The following KLHDC8A variants were observed in gnomAD, a reference collection of about 807,000 sequenced individuals.
KLHDC8A encodes the protein kelch domain containing 8A.
KLHDC8A carries 21 observed loss-of-function variants against 33.1 expected under a neutral mutation model. The ratio of observed to expected loss-of-function variants is 0.64; its 90% CI spans 0.45 to 0.91. KLHDC8A has a LOEUF of 0.91. Ranked by LOEUF, KLHDC8A falls within the 40% of genes least tolerant of loss-of-function variation. The pLI is 0.00. For synonymous variants in KLHDC8A, 173 were observed against 193.5 expected (o/e 0.89, Z 0.88); for missense variants, 435 against 483.3 (o/e 0.90, Z 0.94).
rs1662659642 is a variant in KLHDC8A, at chr1:205,337,337, C to T, written c.*62G>A. The T allele has an allele frequency of 7.3e-7, 1 of 1,371,928 alleles. No homozygotes were observed. The allele number at this position is 1,371,928 out of a possible 1,614,324, so 85.0% of individuals were successfully genotyped here. On this transcript the variant is annotated 3_prime_UTR_variant, in exon 6 of 6. Transcript: ENST00000367155. Reference sequence around the variant, plus strand: ...GTAGCCCCGACTGCTTGGACAAGATCATTCCTCATGTTAAGAGTGAAGTGA... The same window carrying T: ...GTAGCCCCGACTGCTTGGACAAGATTATTCCTCATGTTAAGAGTGAAGTGA...
intron 2 of KLHDC8A, among the ~76,000 whole-genome samples, chr1:205,342,118 C>T (rs1662809367): frequency 1.3e-5 from 2 of 152,244 alleles, no homozygotes. Flanking sequence ...CTATCTGTGT[C>T]ACCTTGGGCC....
rs1413349853 is a variant in KLHDC8A, at chr1:205,343,471, G to T, written c.134C>A (p.Pro45His). 6.2e-7 allele frequency: 1 copy of T among 1,613,548 alleles called. No homozygotes were observed. Among genetic ancestry groups the T allele is most frequent in the Admixed American group, 1.7e-5 (1 of 60,012 alleles). The stretch of plus-strand genomic sequence containing the variant: ...GGAGTAGACCTCGAAGCAGTCCATG[G>T]GGACGCCGTTGTCGTCACATCCCCC... ...AIGGCDDNGV[P>H]MDCFEVYSPE... The change falls in exon 2 of 6, where the codon CCC (proline) becomes CAC (histidine). Residue 45 changes from proline (P) to histidine (H), a missense_variant. Physicochemically the swap from Pro to His is moderately conservative, Grantham distance 77. Coordinates refer to ENST00000367155, the MANE Select transcript of KLHDC8A (RefSeq NM_018203.3).
At position 205,339,129 on chromosome 1, in the gene KLHDC8A, G is replaced by A; in HGVS notation, c.757+65C>T. The A allele has an allele frequency of 1.4e-6, 2 of 1,388,142 alleles. No homozygotes were observed. The highest frequency in any genetic ancestry group is 2.4e-5 in the South Asian group (2 of 83,732). The allele number at this position is 1,388,142 out of a possible 1,614,324, so 86.0% of individuals were successfully genotyped here. ...GGAAGATGGCTGGAATAGGGGTAAG[G>A]GATGGGGAGCCAGCCAGAAGGGCAG... On this transcript the variant is annotated intron_variant, in intron 4 of 5. Coordinates refer to ENST00000367155, the MANE Select transcript of KLHDC8A (RefSeq NM_018203.3). The surrounding 1 kb of genome is among the most constrained non-coding windows in gnomAD (Gnocchi z 5.1).
intron 1 of KLHDC8A, chr1:205,351,593 T>G: frequency 1.6e-5 from 6 of 371,176 alleles, no homozygotes; most frequent in Admixed American, 5.6e-5. Flanking sequence ...AATAAACTTC[T>G]GTAATAGTCA....
Position 205,339,876 on chromosome 1 carries a change from C to T in KLHDC8A, c.377-68G>A. 2 of 1,477,202 alleles carry T rather than the reference C, an allele frequency of 1.4e-6. No homozygotes were observed. The highest frequency in any genetic ancestry group is 9.3e-7 in the Non-Finnish European group (1 of 1,080,734). The allele number at this position is 1,477,202 out of a possible 1,614,324, so 91.5% of individuals were successfully genotyped here. ...TACAGCAAGACAGGCCCACCAGCAT[C>T]TATTGCCTCCCATGGCCAGGCCAAG... On this transcript the variant is annotated intron_variant, in intron 2 of 5. Coordinates refer to ENST00000367155, the MANE Select transcript of KLHDC8A (RefSeq NM_018203.3). The surrounding 1 kb of genome is among the most constrained non-coding windows in gnomAD (Gnocchi z 5.1).
In KLHDC8A at chr1:205,355,510, T is replaced by G. The variant is rs375307993; in HGVS notation, c.-190+1023A>C. 1.1e-4 allele frequency among the ~76,000 whole-genome samples: 17 copies of G among 152,292 alleles called. No individual in the cohort carries two copies. In the East Asian group the frequency reaches 2.3e-3, roughly 21 times the overall value. ...TATTCTAAACACCACACTACATTCT[T>G]TACATATTTTGTATAATTTGAACCT... On this transcript the variant is annotated intron_variant, in intron 1 of 5. Transcript: ENST00000367155.
rs1662850387 is a variant in KLHDC8A, at chr1:205,343,446, G to C, written c.159C>G (p.Ser53=). 2 of 1,613,570 alleles carry C rather than the reference G, an allele frequency of 1.2e-6. No individual in the cohort carries two copies. The highest frequency in any genetic ancestry group is 1.7e-6 in the Non-Finnish European group (2 of 1,179,876). Residue 53 remains serine (S), a synonymous_variant, in exon 2 of 6, where the codon TCC becomes TCG. Transcript: ENST00000367155. Reference sequence around the variant, plus strand: ...AGGCGGTCCACTGGTCGGCCTCCGGGGAGTAGACCTCGAAGCAGTCCATGG... The same window carrying C: ...AGGCGGTCCACTGGTCGGCCTCCGGCGAGTAGACCTCGAAGCAGTCCATGG... The part of the protein sequence containing the change: ...GVPMDCFEVY[S]PEADQWTALP...
intron 1 of KLHDC8A, among the ~76,000 whole-genome samples, chr1:205,349,507 G>A (rs1268543607): frequency 1.3e-5 from 2 of 152,162 alleles, no homozygotes; most frequent in Admixed American, 6.5e-5. Flanking sequence ...AGTCATCTTC[G>A]TTTTCAGACT....
intron 5 of KLHDC8A, 137 bp downstream of exon 5, chr1:205,338,358 G>T: frequency 1.5e-6 from 1 of 658,954 alleles, no homozygotes; most frequent in Non-Finnish European, 2.7e-6. Context: ...GAAAGGGAGT[G>T]CTTCGAATTT....
chr1:205,355,447 T>C (rs1007415557), intron 1 of KLHDC8A, among the ~76,000 whole-genome samples: 1 of 152,218 alleles, frequency 6.6e-6, no homozygotes, highest in African/African-American at 2.4e-5. Context: ...TAGAACTTCA[T>C]CTATAACTAT....
intron 1 of KLHDC8A, among the ~76,000 whole-genome samples, chr1:205,346,315 A>C (rs1662945469): frequency 6.6e-6 from 1 of 152,140 alleles, no homozygotes; most frequent in Non-Finnish European, 1.5e-5. Context: ...CTCAGCTTGA[A>C]CTGTCTTCAC....
chr1:205,343,127 A>G, intron 2 of KLHDC8A, 102 bp downstream of exon 2: 6 of 1,469,406 alleles, frequency 4.1e-6, no homozygotes, highest in Admixed American at 2.3e-5. Context: ...ATATGGCACT[A>G]AACTCCACAG....
intron 1 of KLHDC8A, among the ~76,000 whole-genome samples, chr1:205,349,807 G>A (rs1299163357): frequency 1.3e-5 from 2 of 152,180 alleles, no homozygotes; most frequent in African/African-American, 4.8e-5. Flanking sequence ...GAAAAACACA[G>A]GACAGTCAGA....
intron 1 of KLHDC8A, chr1:205,348,483 A>G (rs1262271458): frequency 6.6e-6 from 1 of 152,166 alleles, no homozygotes; most frequent in Admixed American, 6.5e-5. Context: ...CACCCCACAG[A>G]CCATGTGGTC....
At chr1:205,350,267 A>G (rs1205401502) in intron 1 of KLHDC8A, among the ~76,000 whole-genome samples, 2 of 152,098 alleles carry the variant, frequency 1.3e-5, no homozygotes, top group African/African-American at 4.8e-5. Context: ...TGACAGCTGC[A>G]GCTGTGGCGA....
intron 1 of KLHDC8A, among the ~76,000 whole-genome samples, chr1:205,346,195 A>C (rs1662943183): frequency 6.6e-6 from 1 of 152,228 alleles, no homozygotes; most frequent in Non-Finnish European, 1.5e-5. Flanking sequence ...GAACTCATAA[A>C]TTCCAAAAGC....
intron 1 of KLHDC8A, chr1:205,351,469 T>A (rs534219285): frequency 1.3e-6 from 1 of 781,916 alleles, no homozygotes; most frequent in East Asian, 2.4e-5. Context: ...AGCCTTGGAA[T>A]GAGTATAAAT....
Position 205,339,707 on chromosome 1 carries a change from G to T in KLHDC8A, c.478C>A (p.Pro160Thr). 2 of 1,614,204 alleles carry T rather than the reference G, an allele frequency of 1.2e-6. No individual in the cohort carries two copies. Among genetic ancestry groups the T allele is most frequent in the Non-Finnish European group, 1.7e-6 (2 of 1,180,030 alleles). ...GCAGCATATCTCGGGGTGGGCATGG[G>T]TGCTAGGGACACCCACATGTCCTTC... Reference protein sequence around the residue: ...MLKDMWVSLAPMPTPRYAATS... With the variant: ...MLKDMWVSLATMPTPRYAATS... Residue 160 changes from proline to threonine, a missense_variant, in exon 3 of 6, where the codon CCC (proline) becomes ACC (threonine). By Grantham distance (38) the Pro-to-Thr change is conservative (BLOSUM62 -1). Coordinates refer to ENST00000367155, the MANE Select transcript of KLHDC8A (RefSeq NM_018203.3). This position sits in a 1 kb window ranked among gnomAD's most constrained non-coding sequence, Gnocchi z 5.1.
chr1:205,355,437 T>C (rs953737449), intron 1 of KLHDC8A, among the ~76,000 whole-genome samples: 2 of 152,220 alleles, frequency 1.3e-5, no homozygotes, highest in Non-Finnish European at 2.9e-5. Flanking sequence ...CCCGTTTCTA[T>C]AGAACTTCAT....
Sources: allele counts gnomAD v4.1 joint callset (sites outside exome capture counted in the v4.1 genomes callset), GRCh38; gene constraint gnomAD v4.1.1; non-coding constraint Gnocchi (gnomAD v3.1); transcripts MANE v1.5; gene names NCBI Gene and HGNC (gene_info 2026-07-23, HGNC 2026-07-21).